The following NRP2 variants were observed in gnomAD, a reference collection of about 807,000 sequenced individuals.
The protein encoded by NRP2 is neuropilin-2.
A neutral mutation model predicts 110.4 loss-of-function variants in NRP2; 52 were observed. That is an observed-to-expected ratio of 0.47 (90% CI 0.38 to 0.59). The LOEUF is 0.59. NRP2 is among the 20% of genes least tolerant of loss of function. The probability of loss-of-function intolerance (pLI) is 0.00; values close to 1 mark genes in which losing one functional copy is unlikely to be tolerated. For synonymous variants in NRP2, 508 were observed against 468.9 expected, an observed-to-expected ratio of 1.08 and a Z score of -1.08; for missense variants, 1,049 against 1,203.0, an observed-to-expected ratio of 0.87 and a Z score of 1.89.
At position 205,796,740 on chromosome 2, in the gene NRP2, A is replaced by T. The variant is rs1306009281; in HGVS notation, c.*1682A>T. 2 of 152,672 alleles carry T rather than the reference A, an allele frequency of 1.3e-5. No homozygotes were observed. The highest frequency in any genetic ancestry group is 1.3e-4 in the Admixed American group (2 of 15,286). 9.5% of individuals were successfully genotyped at this position (152,672 alleles called of 1,614,324 possible). ...CTGTGTGAAGGATAAGATTGTTCGC[A>T]TCAAGATCCAAATCTTGATTTCATA... is the stretch of plus-strand genomic sequence containing the variant. On this transcript the variant is annotated 3_prime_UTR_variant, in exon 17 of 17. Transcript: ENST00000357785.
At chr2:205,721,014 G>T (rs1315964584) in intron 3 of NRP2, among the ~76,000 whole-genome samples, 1 of 152,228 alleles carries the variant, frequency 6.6e-6, no homozygotes, top group East Asian at 1.9e-4. Context: ...TGGATGGATA[G>T]GTAGGAGATA....
chr2:205,716,064 G>A (rs905663509), intron 2 of NRP2, 129 bp from the exon 3 acceptor site: 8 of 955,598 alleles, frequency 8.4e-6, no homozygotes, highest in African/African-American at 4.8e-5. Flanking sequence ...AGACATAAGT[G>A]CCCTTCGCTT....
intron 15 of NRP2, chr2:205,767,319 C>T (rs2057941432): frequency 2.2e-6 from 1 of 464,694 alleles, no homozygotes; most frequent in Admixed American, 2.3e-5. Context: ...GTCACCATAC[C>T]TCAGTGAGGT....
intron 15 of NRP2, among the ~76,000 whole-genome samples, chr2:205,785,655 AC>A (rs1426126894): frequency 5.9e-5 from 9 of 152,276 alleles, no homozygotes; most frequent in Admixed American, 4.6e-4. Flanking sequence ...TTATAGCCAA[AC>A]ATGTCTCTGG....
At position 205,683,496 on chromosome 2, in the gene NRP2, C is replaced by T; in HGVS notation, c.73+133C>T. 5.6e-6 allele frequency: 4 copies of T among 715,116 alleles called. No homozygotes were observed. In the South Asian group the frequency reaches 6.2e-5, roughly 11 times the overall value. The allele number at this position is 715,116 out of a possible 1,614,324, so 44.3% of individuals were successfully genotyped here. A position where few individuals can be genotyped will look rare whatever the true frequency, so the allele number is the denominator to read the frequency against. On this transcript the variant is annotated intron_variant, in intron 1 of 16. Coordinates refer to ENST00000357785, the MANE Select transcript of NRP2 (RefSeq NM_003872.3). ...TACTCAATAATTTAAAGAGAGATCC[C>T]AGCCGGCCCTTCCTACACCACCACG...
chr2:205,759,054 G>A (rs77736182), intron 12 of NRP2, among the ~76,000 whole-genome samples: 2 of 152,114 alleles, frequency 1.3e-5, no homozygotes, highest in South Asian at 2.1e-4. Context: ...GTTGCAGCAC[G>A]TGTTTGATCT....
At chr2:205,726,279 C>T (rs2057126325) in intron 6 of NRP2, among the ~76,000 whole-genome samples, 197 bp downstream of exon 6, 1 of 152,208 alleles carries the variant, frequency 6.6e-6, no homozygotes, top group African/African-American at 2.4e-5. Context: ...TCAGAGGGAG[C>T]CTGCCCCTGC....
chr2:205,743,279 G>A lies in NRP2; in HGVS notation c.1368G>A (p.Gln456=). 1 of 1,614,142 alleles carries A rather than the reference G, an allele frequency of 6.2e-7. No homozygotes were observed. The highest frequency in any genetic ancestry group is 8.5e-7 in the Non-Finnish European group (1 of 1,180,016). The change falls in exon 9 of 17, where the codon CAG becomes CAA. Residue 456 remains glutamine (Q), a synonymous_variant. Coordinates refer to ENST00000357785, the MANE Select transcript of NRP2 (RefSeq NM_003872.3). ...ADSQISASST[Q]EYLWSPSAAR... ...CCCAGATCTCCGCCTCTTCCACCCA[G>A]GAATACCTCTGGAGCCCCAGTGCAG...
chr2:205,705,259 G>C (rs1166576487), intron 2 of NRP2, among the ~76,000 whole-genome samples: 1 of 151,758 alleles, frequency 6.6e-6, no homozygotes, highest in East Asian at 1.9e-4. Context: ...CTTCATTATG[G>C]GACATCGTGC....
intron 15 of NRP2, among the ~76,000 whole-genome samples, chr2:205,769,595 A>G (rs2057987150): frequency 6.6e-6 from 1 of 152,080 alleles, no homozygotes; most frequent in Admixed American, 6.5e-5. Flanking sequence ...TGGAAGAAAA[A>G]GAGATCTGTG....
At chr2:205,718,900 C>T (rs1282930251) in intron 3 of NRP2, among the ~76,000 whole-genome samples, 1 of 150,442 alleles carries the variant, frequency 6.6e-6, no homozygotes, top group Admixed American at 6.6e-5. Context: ...CGAGATCATG[C>T]CATTGCACTC....
intron 15 of NRP2, chr2:205,767,680 G>A (rs865841854): frequency 1.7e-5 from 4 of 238,248 alleles, no homozygotes; most frequent in Admixed American, 1.1e-4. Flanking sequence ...ACCTATTAGC[G>A]GACACTGCTG....
At chr2:205,684,366 A>C (rs2056093800) in intron 1 of NRP2, among the ~76,000 whole-genome samples, 1 of 152,172 alleles carries the variant, frequency 6.6e-6, no homozygotes, top group African/African-American at 2.4e-5. Context: ...AGGTGATTGG[A>C]GATGGAGAAA....
At position 205,795,134 on chromosome 2, in the gene NRP2, T is replaced by A; in HGVS notation, c.*76T>A. The A allele has an allele frequency of 7.3e-7, 1 of 1,379,008 alleles. No homozygotes were observed. The highest frequency in any genetic ancestry group is 1.0e-6 in the Non-Finnish European group (1 of 989,148). The allele number at this position is 1,379,008 out of a possible 1,614,324, so 85.4% of individuals were successfully genotyped here. ...GGGAAGATTACATTTTTTTTTCCTT[T>A]GGAAACTGAATGCCATAATCTCGAT... On this transcript the variant is annotated 3_prime_UTR_variant, in exon 17 of 17. Transcript: ENST00000357785.
At chr2:205,721,406 T>A (rs1208407112) in intron 3 of NRP2, among the ~76,000 whole-genome samples, 3 of 152,220 alleles carry the variant, frequency 2.0e-5, no homozygotes, top group Non-Finnish European at 4.4e-5. Flanking sequence ...TGTCCAGCAC[T>A]TTCATTCATT....
At chr2:205,776,405 C>T (rs1296413652) in intron 15 of NRP2, 3 of 1,613,516 alleles carry the variant, frequency 1.9e-6, no homozygotes, top group East Asian at 2.2e-5. Context: ...TTCCGCTATG[C>T]GGCCAAGAAG....
chr2:205,718,352 C>A (rs927958097), intron 3 of NRP2, among the ~76,000 whole-genome samples: 1 of 152,202 alleles, frequency 6.6e-6, no homozygotes, highest in African/African-American at 2.4e-5. Context: ...AATTCAATAT[C>A]GCTGTCTTGA....
At chr2:205,697,902 C>A in intron 2 of NRP2, 181 bp downstream of exon 2, 1 of 698,322 alleles carries the variant, frequency 1.4e-6, no homozygotes, top group East Asian at 2.6e-5. Context: ...AAAGGTGTGG[C>A]TGATCCCACA....
chr2:205,698,235 A>T (rs1419628557), intron 2 of NRP2, among the ~76,000 whole-genome samples: 1 of 150,854 alleles, frequency 6.6e-6, no homozygotes, highest in African/African-American at 2.4e-5. Context: ...AAAAAAAAAA[A>T]TCTAAGTAGT....
Sources: gnomAD v4.1 joint callset for allele counts (sites outside exome capture counted in the v4.1 genomes callset) on GRCh38, gnomAD v4.1.1 for gene constraint, MANE v1.5 for transcripts, NCBI Gene and HGNC (gene_info 2026-07-23, HGNC 2026-07-21) for gene names.